The following MTX2 variants were observed in gnomAD, a reference collection of about 807,000 sequenced individuals.
MTX2 encodes metaxin 2.
A neutral mutation model predicts 42.3 loss-of-function variants in MTX2; 35 were observed. That is an observed-to-expected ratio of 0.83 (90% CI 0.63 to 1.10). The LOEUF (loss-of-function observed/expected upper bound fraction) is 1.10, where lower values mean the gene tolerates loss of function less well. Ranked by LOEUF, MTX2 falls within the 50% of genes least tolerant of loss-of-function variation. The pLI is 0.00. For synonymous variants in MTX2, 119 were observed against 100.9 expected, an observed-to-expected ratio of 1.18 and a Z score of -1.08; for missense variants, 307 against 304.1, an observed-to-expected ratio of 1.01 and a Z score of -0.07.
chr2:176,297,922 T>C (rs1683930910), intron 3 of MTX2, 27 bp downstream of exon 3: 2 of 1,514,870 alleles, frequency 1.3e-6, no homozygotes, highest in East Asian at 4.8e-5. Flanking sequence ...TGTAATATCT[T>C]TTTCACCCCC....
rs1575066649 is a variant in MTX2 at position 176,337,813 on chromosome 2, G to A, written c.*149G>A. 1.7e-6 allele frequency: 1 copy of A among 580,904 alleles called. No individual in the cohort carries two copies. Among genetic ancestry groups the A allele is most frequent in the South Asian group, 3.3e-5 (1 of 29,906 alleles). The allele number at this position is 580,904 out of a possible 1,614,324, so 36.0% of individuals were successfully genotyped here. On this transcript the variant is annotated 3_prime_UTR_variant, in exon 10 of 10. Transcript: ENST00000249442. ...GTATCTTATGTATGTGCTTTATATT[G>A]TTATTTGTGTATACATTAAAATAAT...
intron 1 of MTX2, among the ~76,000 whole-genome samples, chr2:176,285,121 A>G (rs893520782): frequency 6.6e-6 from 1 of 152,218 alleles, no homozygotes; most frequent in East Asian, 1.9e-4. Flanking sequence ...ACTGTAGAGC[A>G]ACACTACTTG....
At chr2:176,269,800 C>T (rs1421628545) in intron 1 of MTX2, 131 bp downstream of exon 1, 4 of 1,098,400 alleles carry the variant, frequency 3.6e-6, no homozygotes, top group Non-Finnish European at 5.0e-6. Context: ...TGGAGGCGGG[C>T]ACGGACTACC....
chr2:176,269,782 C>A, intron 1 of MTX2, 113 bp downstream of exon 1: 1 of 1,290,192 alleles, frequency 7.8e-7, no homozygotes, highest in Non-Finnish European at 1.0e-6. Context: ...TGAACCCGGC[C>A]CGGATGGTGG....
intron 3 of MTX2, among the ~76,000 whole-genome samples, chr2:176,311,310 C>T (rs1303427491): frequency 6.6e-6 from 1 of 152,116 alleles, no homozygotes; most frequent in Non-Finnish European, 1.5e-5. Context: ...TGTGAGGTGT[C>T]TTTCGGCCCT....
At chr2:176,305,664 G>T (rs1013090929) in intron 3 of MTX2, among the ~76,000 whole-genome samples, 1 of 151,984 alleles carries the variant, frequency 6.6e-6, no homozygotes, top group Non-Finnish European at 1.5e-5. Context: ...TATTCTAATT[G>T]TCTCTTTTGT....
At chr2:176,330,719 T>C (rs933793532) in intron 9 of MTX2, 59 bp downstream of exon 9, 5 of 1,173,682 alleles carry the variant, frequency 4.3e-6, no homozygotes, top group Non-Finnish European at 4.9e-6. Context: ...CAAATTTCTT[T>C]TTTTCATAAA....
intron 1 of MTX2, among the ~76,000 whole-genome samples, chr2:176,276,349 G>A (rs1692945011): frequency 6.6e-6 from 1 of 152,118 alleles, no homozygotes; most frequent in South Asian, 2.1e-4. Context: ...TGCCATAGCT[G>A]GTTATTGATA....
Position 176,328,397 on chromosome 2 carries a change from G to C in MTX2, c.378+12G>C. On this transcript the variant is annotated intron_variant, in intron 6 of 9. Transcript: ENST00000249442. ...TGTTGACTGCAGAGGTAAAATACTAGATGATACGGCTTGAAAATAAGCTTT... is the reference window on the plus strand; with the variant it reads ...TGTTGACTGCAGAGGTAAAATACTACATGATACGGCTTGAAAATAAGCTTT... 1 of 1,473,128 alleles carries C rather than the reference G, an allele frequency of 6.8e-7. No homozygotes were observed. Among genetic ancestry groups the C allele is most frequent in the Non-Finnish European group, 9.1e-7 (1 of 1,095,172 alleles). 91.3% of individuals were successfully genotyped at this position (1,473,128 alleles called of 1,614,324 possible).
At chr2:176,289,585 TTTC>T (rs976830920) in intron 1 of MTX2, among the ~76,000 whole-genome samples, 1 of 152,110 alleles carries the variant, frequency 6.6e-6, no homozygotes. Context: ...TAGGGATATA[TTTC>T]TTCTTTATAA....
chr2:176,274,892 G>A (rs999086672), intron 1 of MTX2, among the ~76,000 whole-genome samples: 1 of 152,208 alleles, frequency 6.6e-6, no homozygotes, highest in Admixed American at 6.5e-5. Flanking sequence ...AGGAGGAAGT[G>A]TGTGTCTGCT....
At chr2:176,294,227 T>C (rs572013459) in intron 1 of MTX2, among the ~76,000 whole-genome samples, 1 of 152,170 alleles carries the variant, frequency 6.6e-6, no homozygotes, top group South Asian at 2.1e-4. Context: ...TACTTTCATA[T>C]TTGTCTTTTG....
chr2:176,316,406 T>C (rs555359979), intron 3 of MTX2, among the ~76,000 whole-genome samples: 1 of 152,092 alleles, frequency 6.6e-6, no homozygotes, highest in African/African-American at 2.4e-5. Flanking sequence ...TATTTGTTTG[T>C]TTGGTTTTTG....
intron 3 of MTX2, among the ~76,000 whole-genome samples, chr2:176,319,644 C>G (rs10206076): frequency 1.3e-5 from 2 of 151,594 alleles, no homozygotes; most frequent in African/African-American, 4.9e-5. Flanking sequence ...GGTGCGACCT[C>G]AGCTCACTGC....
At chr2:176,273,171 A>G (rs1435053425) in intron 1 of MTX2, among the ~76,000 whole-genome samples, 1 of 152,230 alleles carries the variant, frequency 6.6e-6, no homozygotes, top group Non-Finnish European at 1.5e-5. Context: ...GAATCCATTC[A>G]TGAGGGTGGA....
At chr2:176,296,989 C>T in intron 2 of MTX2, 82 bp downstream of exon 2, 3 of 1,340,140 alleles carry the variant, frequency 2.2e-6, no homozygotes, top group Non-Finnish European at 3.2e-6. Flanking sequence ...CAATTTACTG[C>T]AAAGAGAATA....
chr2:176,333,287 C>T (rs1001709522), intron 9 of MTX2, among the ~76,000 whole-genome samples: 3 of 151,354 alleles, frequency 2.0e-5, no homozygotes, highest in African/African-American at 4.8e-5. Flanking sequence ...TTTCTCTTCA[C>T]GTGATATAGC....
At chr2:176,316,309 G>T (rs901146708) in intron 3 of MTX2, among the ~76,000 whole-genome samples, 1 of 152,172 alleles carries the variant, frequency 6.6e-6, no homozygotes, top group Admixed American at 6.5e-5. Context: ...GCCCTTATTA[G>T]AGATTCCAGA....
chr2:176,296,959 C>A, intron 2 of MTX2, 52 bp downstream of exon 2: 1 of 1,512,792 alleles, frequency 6.6e-7, no homozygotes, highest in Non-Finnish European at 9.2e-7. Context: ...ATATTTATTA[C>A]GGAAAAATCC....
Sources: gnomAD v4.1 joint callset for allele counts (sites outside exome capture counted in the v4.1 genomes callset) on GRCh38, gnomAD v4.1.1 for gene constraint, MANE v1.5 for transcripts, NCBI Gene and HGNC (gene_info 2026-07-23, HGNC 2026-07-21) for gene names.